CHST11: variants seen among roughly 807,000 people sequenced by gnomAD.
CHST11 encodes the protein carbohydrate sulfotransferase 11, also known as C4S-1.
CHST11 carries 9 observed loss-of-function variants against 30.4 expected under a neutral mutation model. That is an observed-to-expected ratio of 0.30 (90% CI 0.18 to 0.52). The LOEUF is 0.52. Ranked by LOEUF, CHST11 falls within the 20% of genes least tolerant of loss-of-function variation. The probability of loss-of-function intolerance (pLI) is 0.97; values close to 1 mark genes in which losing one functional copy is unlikely to be tolerated. For missense variants in CHST11, 348 were observed against 460.6 expected, an observed-to-expected ratio of 0.76 and a Z score of 2.24; for synonymous variants, 152 against 187.8, an observed-to-expected ratio of 0.81 and a Z score of 1.56.
intron 2 of CHST11, among the ~76,000 whole-genome samples, chr12:104,728,681 G>A (rs962455890): frequency 2.6e-5 from 4 of 152,176 alleles, no homozygotes; most frequent in Non-Finnish European, 5.9e-5. Flanking sequence ...CCTGAACTGA[G>A]GGCCTTGATC....
At chr12:104,727,410 A>T (rs964082311) in intron 2 of CHST11, among the ~76,000 whole-genome samples, 1 of 152,182 alleles carries the variant, frequency 6.6e-6, no homozygotes, top group African/African-American at 2.4e-5. Flanking sequence ...TGCAAACAGA[A>T]ATTTACTCCT....
At chr12:104,502,706 A>G (rs77205741) in intron 1 of CHST11, among the ~76,000 whole-genome samples, 2,138 of 152,358 alleles carry the variant, frequency 0.014, 30 homozygotes, top group Middle Eastern at 0.027. Context: ...CTGAGTTAAG[A>G]GAGACACCAG....
chr12:104,540,634 C>T (rs187366704), intron 1 of CHST11, among the ~76,000 whole-genome samples: 12 of 152,328 alleles, frequency 7.9e-5, no homozygotes, highest in Admixed American at 2.6e-4. Context: ...ATTGGTGCCT[C>T]AGCAGAATCA....
chr12:104,495,834 T>C (rs931190912), intron 1 of CHST11, among the ~76,000 whole-genome samples: 3 of 152,226 alleles, frequency 2.0e-5, no homozygotes, highest in African/African-American at 4.8e-5. Flanking sequence ...TAGGGTGTTC[T>C]CTGGCTTTCT....
intron 2 of CHST11, among the ~76,000 whole-genome samples, chr12:104,664,893 C>G (rs1193820915): frequency 6.6e-6 from 1 of 152,100 alleles, no homozygotes; most frequent in African/African-American, 2.4e-5. Flanking sequence ...GCTGTATGTG[C>G]TTTTTTAAAG....
intron 1 of CHST11, among the ~76,000 whole-genome samples, chr12:104,592,953 C>A (rs775729758): frequency 6.6e-6 from 1 of 152,080 alleles, no homozygotes; most frequent in Non-Finnish European, 1.5e-5. Context: ...TTCTCCTGGC[C>A]GGTAAATATT....
At chr12:104,598,224 T>A (rs1450332036) in intron 1 of CHST11, among the ~76,000 whole-genome samples, 1 of 152,188 alleles carries the variant, frequency 6.6e-6, no homozygotes, top group Non-Finnish European at 1.5e-5. Flanking sequence ...TAGGTCCTCA[T>A]TGTTACCATT....
intron 1 of CHST11, chr12:104,514,135 C>T: frequency 8.4e-7 from 1 of 1,197,548 alleles, no homozygotes; most frequent in Non-Finnish European, 1.2e-6. Flanking sequence ...CCAGAGAATT[C>T]ATCTAAACAG....
At chr12:104,720,165 C>G (rs900296608) in intron 2 of CHST11, among the ~76,000 whole-genome samples, 1 of 152,248 alleles carries the variant, frequency 6.6e-6, no homozygotes. Context: ...GAAACACTGC[C>G]CTGCAGGCAG....
chr12:104,656,645 G>T (rs563252819), intron 2 of CHST11, among the ~76,000 whole-genome samples: 1 of 152,264 alleles, frequency 6.6e-6, no homozygotes, highest in South Asian at 2.1e-4. Flanking sequence ...TCTCACTAAC[G>T]CACAAGTAGC....
At chr12:104,656,772 G>C (rs542460199) in intron 2 of CHST11, among the ~76,000 whole-genome samples, 2 of 152,340 alleles carry the variant, frequency 1.3e-5, no homozygotes, top group African/African-American at 4.8e-5. Flanking sequence ...TAAAGCCAGA[G>C]ACAGTGGAGG....
At chr12:104,554,339 G>A (rs1029793161) in intron 1 of CHST11, among the ~76,000 whole-genome samples, 1 of 152,158 alleles carries the variant, frequency 6.6e-6, no homozygotes, top group African/African-American at 2.4e-5. Context: ...GCATGTGCAA[G>A]GGCCAAGAGA....
intron 2 of CHST11, among the ~76,000 whole-genome samples, chr12:104,624,381 C>T (rs2039191138): frequency 6.6e-6 from 1 of 152,132 alleles, no homozygotes; most frequent in African/African-American, 2.4e-5. Flanking sequence ...GGATTGCATA[C>T]GGGCCATGTG....
chr12:104,505,775 A>T (rs956432618), intron 1 of CHST11, among the ~76,000 whole-genome samples: 4 of 151,968 alleles, frequency 2.6e-5, no homozygotes, highest in African/African-American at 9.7e-5. Flanking sequence ...CGTTCCTTTC[A>T]CTCCGTTATT....
chr12:104,639,549 A>T (rs2039355999), intron 2 of CHST11, among the ~76,000 whole-genome samples: 1 of 152,212 alleles, frequency 6.6e-6, no homozygotes, highest in African/African-American at 2.4e-5. Context: ...GCCTTCCCAA[A>T]GATGGGATTT....
At chr12:104,740,147 G>A (rs1321166415) in intron 2 of CHST11, among the ~76,000 whole-genome samples, 2 of 152,176 alleles carry the variant, frequency 1.3e-5, no homozygotes, top group Admixed American at 6.5e-5. Context: ...ACTTTTCCCA[G>A]TTCTTGCCTC....
At position 104,715,610 on chromosome 12, in the gene CHST11, C is replaced by G. The variant is rs559535224; in HGVS notation, c.205-41339C>G. ...GAGGAGCATGTTGTAGGTCACCCAG[C>G]TAGAGAGGTACAGGTAGAGGAAATG... On this transcript the variant is annotated intron_variant, in intron 2 of 2. Coordinates refer to ENST00000303694, the MANE Select transcript of CHST11 (RefSeq NM_018413.6). Among the ~76,000 whole-genome samples the G allele has an allele frequency of 8.5e-5, 13 of 152,270 alleles. No individual in the cohort carries two copies. The South Asian group carries it at 2.5e-3, about 29-fold the overall frequency.
At chr12:104,666,230 G>A (rs562539824) in intron 2 of CHST11, among the ~76,000 whole-genome samples, 40 of 152,262 alleles carry the variant, frequency 2.6e-4, no homozygotes, top group Admixed American at 1.6e-3. Flanking sequence ...AATATGCTTA[G>A]CATTTGAAAT....
rs1277999260 is a variant in CHST11, at chr12:104,676,235, C to A, written c.204+74244C>A. 6.6e-6 allele frequency among the ~76,000 whole-genome samples: 1 copy of A among 152,170 alleles called. No homozygotes were observed. The highest frequency in any genetic ancestry group is 1.5e-5 in the Non-Finnish European group (1 of 68,034). ...TTTTACTGTTCTGGAGGTCAGGAGT[C>A]TGAAATGGGTCTCCTGGGGCAAGAA... On this transcript the variant is annotated intron_variant, in intron 2 of 2. Coordinates refer to ENST00000303694, the MANE Select transcript of CHST11 (RefSeq NM_018413.6). The surrounding 1 kb of genome is among the most constrained non-coding windows in gnomAD (Gnocchi z 4.4).
Sources: allele counts gnomAD v4.1 joint callset (sites outside exome capture counted in the v4.1 genomes callset), GRCh38; gene constraint gnomAD v4.1.1; non-coding constraint Gnocchi (gnomAD v3.1); transcripts MANE v1.5; gene names NCBI Gene and HGNC (gene_info 2026-07-23, HGNC 2026-07-21).